LRP1B: variants seen among roughly 807,000 people sequenced by gnomAD.
The protein encoded by LRP1B is low-density lipoprotein receptor-related protein 1B.
Under a neutral mutation model 556.6 loss-of-function variants are expected in LRP1B, and 217 were observed. The ratio of observed to expected loss-of-function variants is 0.39; its 90% CI spans 0.35 to 0.44. The LOEUF (loss-of-function observed/expected upper bound fraction) is 0.44. LRP1B is among the 20% of genes least tolerant of loss of function. The pLI is 1.00. For synonymous variants in LRP1B, 2,047 were observed against 1,865.8 expected (o/e 1.10, Z -2.50); for missense variants, 5,053 against 5,620.8 (o/e 0.90, Z 3.23).
At chr2:141,637,964 G>T (rs973231117) in intron 2 of LRP1B, among the ~76,000 whole-genome samples, 10 of 152,108 alleles carry the variant, frequency 6.6e-5, no homozygotes, top group Admixed American at 2.0e-4. Flanking sequence ...TCTTTAAAAG[G>T]CAGGGGCAGG....
chr2:140,775,999 G>A, intron 33 of LRP1B, 99 bp downstream of exon 33: 2 of 1,032,480 alleles, frequency 1.9e-6, no homozygotes, highest in South Asian at 3.1e-5. Flanking sequence ...TTTATTAGAA[G>A]CAAGAATAGA....
At chr2:141,119,251 A>G (rs1433478983) in intron 7 of LRP1B, among the ~76,000 whole-genome samples, 1 of 151,926 alleles carries the variant, frequency 6.6e-6, no homozygotes, top group Non-Finnish European at 1.5e-5. Context: ...AAGAGAGAAT[A>G]AAGCCTTCTA....
At chr2:141,540,004 G>A (rs1685198796) in intron 2 of LRP1B, among the ~76,000 whole-genome samples, 1 of 152,012 alleles carries the variant, frequency 6.6e-6, no homozygotes, top group African/African-American at 2.4e-5. Flanking sequence ...AAAGCATCCT[G>A]GGAAAATAGG....
At chr2:141,545,614 G>A (rs1404340908) in intron 2 of LRP1B, among the ~76,000 whole-genome samples, 1 of 152,170 alleles carries the variant, frequency 6.6e-6, no homozygotes, top group African/African-American at 2.4e-5. Flanking sequence ...GGAGGCCAAA[G>A]TGGGAGAATT....
intron 46 of LRP1B, among the ~76,000 whole-genome samples, chr2:140,536,311 T>TAAAAAAAAAAA (rs70988404): frequency 6.5e-5 from 4 of 61,894 alleles, no homozygotes; most frequent in South Asian, 5.5e-4. Flanking sequence ...CCCGTCTCTT[T>TAAAAAAAAAAA]AAAAAAAAAA....
intron 43 of LRP1B, among the ~76,000 whole-genome samples, chr2:140,571,672 T>G (rs773467064): frequency 6.6e-6 from 1 of 151,472 alleles, no homozygotes; most frequent in Non-Finnish European, 1.5e-5. Flanking sequence ...TTATATGAAA[T>G]CACAAAATTT....
At position 141,272,567 on chromosome 2, in the gene LRP1B, A is replaced by C. The variant is rs1255227921; in HGVS notation, c.344-17926T>G. On this transcript the variant is annotated intron_variant, in intron 3 of 90. Transcript: ENST00000389484. Reference sequence around the variant, plus strand: ...TCAGATCAGACTATATGCCATCTACAAGAGACATACTTGAGATCCAAAGAT... The same window carrying C: ...TCAGATCAGACTATATGCCATCTACCAGAGACATACTTGAGATCCAAAGAT... Among the ~76,000 whole-genome samples, 4 of 152,328 alleles carry C rather than the reference A, an allele frequency of 2.6e-5. No homozygotes were observed. In the East Asian group the frequency reaches 7.7e-4, roughly 29 times the overall value.
At chr2:141,027,355 A>C (rs775113176) in intron 11 of LRP1B, among the ~76,000 whole-genome samples, 26 of 152,164 alleles carry the variant, frequency 1.7e-4, no homozygotes, top group Non-Finnish European at 2.9e-4. Context: ...ATTAGGATTA[A>C]AGGAGAGAAT....
At chr2:140,380,030 G>A (rs972343847) in intron 67 of LRP1B, among the ~76,000 whole-genome samples, 2 of 151,878 alleles carry the variant, frequency 1.3e-5, no homozygotes, top group Admixed American at 6.6e-5. Flanking sequence ...ACCATCTACC[G>A]ATTGCTTATT....
At chr2:140,987,559 A>G (rs113225300) in intron 17 of LRP1B, among the ~76,000 whole-genome samples, 3,470 of 152,294 alleles carry the variant, frequency 0.023, 65 homozygotes, top group Non-Finnish European at 0.031. Context: ...GATTTTAAAA[A>G]TCTAATAGTA....
At position 140,475,275 on chromosome 2, in the gene LRP1B, G is replaced by A. The variant is rs2105348053; in HGVS notation, c.9488C>T (p.Thr3163Ile). The A allele has an allele frequency of 6.2e-7, 1 of 1,611,594 alleles. No individual in the cohort carries two copies. Among genetic ancestry groups the A allele is most frequent in the Middle Eastern group, 1.7e-4 (1 of 6,054 alleles). The change falls in exon 60 of 91, where the codon ACC (threonine) becomes ATC (isoleucine). Residue 3163 changes from threonine to isoleucine, a missense_variant. Around this residue, in one of 5 missense-constraint regions of LRP1B, gnomAD observed 3,619 missense variants for 3,931.9 expected, o/e 0.92. Transcript: ENST00000389484. ...PHIGRVGMDG[T>I]NQSVVIETKI... Reference sequence around the variant, plus strand: ...GGTTTCTATGACAACACTCTGATTGGTTCCATCCATTCCAACACGGCCAAT... The same window carrying A: ...GGTTTCTATGACAACACTCTGATTGATTCCATCCATTCCAACACGGCCAAT...
chr2:140,663,257 C>T (rs1464722615), intron 41 of LRP1B, among the ~76,000 whole-genome samples: 8 of 152,150 alleles, frequency 5.3e-5, no homozygotes, highest in Non-Finnish European at 4.4e-5. Flanking sequence ...CAGACTATTA[C>T]AAACACACCA....
chr2:140,541,360 A>G (rs16844214), intron 44 of LRP1B, among the ~76,000 whole-genome samples: 3,914 of 152,204 alleles, frequency 0.026, 54 homozygotes, highest in African/African-American at 0.034. Context: ...TTGATGCTTC[A>G]AACTGTAATT....
intron 85 of LRP1B, among the ~76,000 whole-genome samples, chr2:140,270,835 G>A (rs1682425653): frequency 6.6e-6 from 1 of 151,868 alleles, no homozygotes; most frequent in Non-Finnish European, 1.5e-5. Flanking sequence ...GAAAGTGGAG[G>A]GTTATCCTGT....
chr2:141,890,390 A>ATGTATTGTGTCTATATATATATATGTATT (rs375936846), intron 1 of LRP1B, among the ~76,000 whole-genome samples: 1 of 135,968 alleles, frequency 7.4e-6, no homozygotes, highest in African/African-American at 2.8e-5. Flanking sequence ...ATACATATAT[A>ATGTATTGTGTCTATATATATATATGTATT]GTGTATATAT....
In LRP1B at chr2:140,839,553, C is replaced by T. The variant is rs532734485; in HGVS notation, c.5209+438G>A. Among the ~76,000 whole-genome samples, 5 of 152,316 alleles carry T rather than the reference C, an allele frequency of 3.3e-5. No individual in the cohort carries two copies. In the South Asian group the frequency reaches 6.2e-4, roughly 19 times the overall value. Reference sequence around the variant, plus strand: ...ATGCTGGATACTTCCTGCCCTCAAACGTCACACTTCAAGTTCTTCAGCTTT... The same window carrying T: ...ATGCTGGATACTTCCTGCCCTCAAATGTCACACTTCAAGTTCTTCAGCTTT... On this transcript the variant is annotated intron_variant, in intron 31 of 90. Coordinates refer to ENST00000389484, the MANE Select transcript of LRP1B (RefSeq NM_018557.3).
At chr2:142,050,784 G>T (rs10177469) in intron 1 of LRP1B, among the ~76,000 whole-genome samples, 3,082 of 152,048 alleles carry the variant, frequency 0.02, 40 homozygotes, top group African/African-American at 0.029. Context: ...TTTGCTTTGA[G>T]GTAGCCATCT....
chr2:140,239,024 A>ATC (rs1450115476), intron 88 of LRP1B, among the ~76,000 whole-genome samples: 1 of 150,896 alleles, frequency 6.6e-6, no homozygotes, highest in Non-Finnish European at 1.5e-5. Flanking sequence ...GTATAAGTGA[A>ATC]TCAATGCACT....
At chr2:141,883,549 G>A (rs1293995860) in intron 1 of LRP1B, among the ~76,000 whole-genome samples, 2 of 152,096 alleles carry the variant, frequency 1.3e-5, no homozygotes, top group Admixed American at 1.3e-4. Flanking sequence ...GCAAGACCCT[G>A]TCTCTACAGA....
Sources: allele counts gnomAD v4.1 joint callset (sites outside exome capture counted in the v4.1 genomes callset), GRCh38; gene constraint gnomAD v4.1.1; regional missense constraint gnomAD v4.1.1; transcripts MANE v1.5; gene names NCBI Gene and HGNC (gene_info 2026-07-23, HGNC 2026-07-21).